Variants in SV2C observed in about 807,000 individuals in gnomAD.
SV2C encodes solute carrier family 22 member B3.
In SV2C, 49 loss-of-function variants were observed where a neutral mutation model predicts 79.7. That is an observed-to-expected ratio of 0.61 (90% CI 0.49 to 0.78). The LOEUF is 0.78. Ranked by LOEUF, SV2C falls within the 30% of genes least tolerant of loss-of-function variation. SV2C has a pLI of 0.00. For synonymous variants in SV2C, 334 were observed against 333.2 expected (o/e 1.00, Z -0.03); for missense variants, 833 against 912.9 (o/e 0.91, Z 1.13).
intron 12 of SV2C, among the ~76,000 whole-genome samples, chr5:76,347,540 G>A (rs1002857494): frequency 6.6e-6 from 1 of 152,122 alleles, no homozygotes; most frequent in Non-Finnish European, 1.5e-5. Flanking sequence ...CACTTCCCAG[G>A]TTCAAGCAAT....
At chr5:76,039,533 A>G in the SV2C span, among the ~76,000 whole-genome samples, 13 of 152,174 alleles carry the variant, frequency 8.5e-5, no homozygotes, top group Admixed American at 2.6e-4. Flanking sequence ...AGGTGGGCAG[A>G]TCACCTGAGG....
intron 2 of SV2C, among the ~76,000 whole-genome samples, chr5:76,155,374 A>G (rs530099961): frequency 6.6e-6 from 1 of 152,168 alleles, no homozygotes; most frequent in African/African-American, 2.4e-5. Flanking sequence ...CAAGACCTCC[A>G]CTTTTCTTCC....
chr5:76,237,401 C>T (rs1251153546), intron 4 of SV2C, among the ~76,000 whole-genome samples: 1 of 152,074 alleles, frequency 6.6e-6, no homozygotes, highest in East Asian at 1.9e-4. Flanking sequence ...ATTGGGTGAA[C>T]TATCTTACCA....
chr5:75,990,485 A>G, the SV2C span, among the ~76,000 whole-genome samples: 11 of 152,034 alleles, frequency 7.2e-5, no homozygotes, highest in Admixed American at 3.3e-4. Context: ...TCTTTCTTTC[A>G]TTACAGAGTT....
At chr5:75,878,826 A>G in the SV2C span, among the ~76,000 whole-genome samples, 1 of 152,036 alleles carries the variant, frequency 6.6e-6, no homozygotes, top group African/African-American at 2.4e-5. Context: ...TTGCTATAAA[A>G]CATATCTGAG....
chr5:76,216,883 C>T (rs1289978666), intron 4 of SV2C, among the ~76,000 whole-genome samples: 1 of 152,152 alleles, frequency 6.6e-6, no homozygotes, highest in East Asian at 1.9e-4. Flanking sequence ...TTCATTAGGC[C>T]CAGGCTTTGG....
At chr5:76,022,405 T>C in the SV2C span, among the ~76,000 whole-genome samples, 1 of 152,342 alleles carries the variant, frequency 6.6e-6, no homozygotes, top group East Asian at 1.9e-4. Flanking sequence ...CAAATTGCAT[T>C]AGCATTGAGG....
chr5:76,031,014 A>C, the SV2C span, among the ~76,000 whole-genome samples: 1,879 of 152,334 alleles, frequency 0.012, 29 homozygotes, highest in Non-Finnish European at 0.018. Flanking sequence ...ACCAAGCAAT[A>C]TAAATGGTGC....
At chr5:76,127,900 G>A (rs1054537388) in intron 1 of SV2C, among the ~76,000 whole-genome samples, 1 of 152,212 alleles carries the variant, frequency 6.6e-6, no homozygotes, top group Non-Finnish European at 1.5e-5. Flanking sequence ...TAAAATTGCC[G>A]CCCTGCTTCC....
chr5:76,305,126 T>G (rs1290550901), intron 12 of SV2C, among the ~76,000 whole-genome samples: 2 of 152,130 alleles, frequency 1.3e-5, no homozygotes, highest in African/African-American at 2.4e-5. Flanking sequence ...TCACTCACCA[T>G]TGCGAGGACA....
intron 1 of SV2C, among the ~76,000 whole-genome samples, chr5:76,094,859 T>TA (rs1446810865): frequency 1.3e-5 from 2 of 152,158 alleles, no homozygotes; most frequent in African/African-American, 4.8e-5. Context: ...TTTAATCAGA[T>TA]ATGTGTTTGC....
chr5:75,932,240 A>G, the SV2C span, among the ~76,000 whole-genome samples: 1 of 152,184 alleles, frequency 6.6e-6, no homozygotes, highest in Non-Finnish European at 1.5e-5. Context: ...TCTTGGGAGT[A>G]TAAAGGCTTG....
chr5:75,872,459 G>A, the SV2C span, among the ~76,000 whole-genome samples: 94 of 152,162 alleles, frequency 6.2e-4, no homozygotes, highest in Non-Finnish European at 1.0e-3. Context: ...CAACATAGCG[G>A]TGAAAGAATA....
At chr5:76,128,801 G>A (rs990453183) in intron 1 of SV2C, among the ~76,000 whole-genome samples, 4 of 152,082 alleles carry the variant, frequency 2.6e-5, no homozygotes, top group South Asian at 2.1e-4. Context: ...TAATCGATTC[G>A]AGAAACAAAA....
At chr5:75,899,974 C>T in the SV2C span, among the ~76,000 whole-genome samples, 845 of 152,152 alleles carry the variant, frequency 5.6e-3, 11 homozygotes, top group African/African-American at 0.019. Context: ...GCATGTGAGG[C>T]GGGTTTCCTG....
chr5:75,911,037 G>C, the SV2C span: 2 of 1,127,158 alleles, frequency 1.8e-6, no homozygotes, highest in South Asian at 2.5e-5. Flanking sequence ...TCCTTGAAGA[G>C]TGAGAGTGAA....
the SV2C span, among the ~76,000 whole-genome samples, chr5:75,881,230 C>A: frequency 6.6e-6 from 1 of 152,140 alleles, no homozygotes; most frequent in Non-Finnish European, 1.5e-5. Flanking sequence ...ACCATATCAC[C>A]ATTCATTTCA....
chr5:76,158,365 T>C (rs146008509), intron 2 of SV2C, among the ~76,000 whole-genome samples: 4 of 151,246 alleles, frequency 2.6e-5, no homozygotes, highest in Admixed American at 2.0e-4. Context: ...AGATATACCA[T>C]GTAAACAGCA....
In SV2C at chr5:76,132,185, C is replaced by A. The variant is rs745535885; in HGVS notation, c.435C>A (p.Cys145Ter). 1 of 1,614,112 alleles carries A rather than the reference C, an allele frequency of 6.2e-7. No individual in the cohort carries two copies. Among genetic ancestry groups the A allele is most frequent in the Non-Finnish European group, 8.5e-7 (1 of 1,180,024 alleles). The change falls in exon 2 of 13, where the codon TGC (cysteine) becomes TGA (stop). Residue 145 changes from cysteine to a stop codon, truncating the protein, a stop_gained. Coordinates refer to ENST00000502798, the MANE Select transcript of SV2C (RefSeq NM_014979.4). LOFTEE classifies it high-confidence loss of function. Reference sequence around the variant, plus strand: ...AGTATGAGCTGATAATCCAAGAATGCGGTCATGGTCGTTTTCAGTGGGCCC... The same window carrying A: ...AGTATGAGCTGATAATCCAAGAATGAGGTCATGGTCGTTTTCAGTGGGCCC... ...AQQYELIIQE[C>*]GHGRFQWALF...
Sources: allele counts gnomAD v4.1 joint callset (sites outside exome capture counted in the v4.1 genomes callset), GRCh38; gene constraint gnomAD v4.1.1; transcripts MANE v1.5; gene names NCBI Gene and HGNC (gene_info 2026-07-23, HGNC 2026-07-21).